The following PDE1C variants were observed in gnomAD, a reference collection of about 807,000 sequenced individuals.
PDE1C encodes the protein phosphodiesterase 1C.
In PDE1C, 62 loss-of-function variants were observed where a neutral mutation model predicts 93.1. The observed-to-expected ratio is 0.67, with a 90% CI of 0.54 to 0.82. The LOEUF (loss-of-function observed/expected upper bound fraction) is 0.82. Ranked by LOEUF, PDE1C falls within the 40% of genes least tolerant of loss-of-function variation. The pLI is 0.00. For missense variants in PDE1C, 742 were observed against 884.6 expected, an observed-to-expected ratio of 0.84 and a Z score of 2.04; for synonymous variants, 325 against 310.1, an observed-to-expected ratio of 1.05 and a Z score of -0.50.
chr7:31,715,091 A>G, the PDE1C span, among the ~76,000 whole-genome samples: 32 of 152,316 alleles, frequency 2.1e-4, no homozygotes, highest in South Asian at 6.2e-3. Context: ...GAACTAACCT[A>G]ATGACAAAAG....
At chr7:32,293,879 C>A (rs771344944) in intron 1 of PDE1C, among the ~76,000 whole-genome samples, 1 of 152,196 alleles carries the variant, frequency 6.6e-6, no homozygotes, top group Non-Finnish European at 1.5e-5. Flanking sequence ...ACCCAGACTG[C>A]CTGCTTGTCT....
intron 1 of PDE1C, among the ~76,000 whole-genome samples, chr7:32,421,695 T>C (rs969122484): frequency 2.0e-5 from 3 of 152,150 alleles, no homozygotes; most frequent in Non-Finnish European, 4.4e-5. Context: ...ATGTCATCAA[T>C]AATAAGTAAA....
At chr7:31,683,824 T>C in the PDE1C span, among the ~76,000 whole-genome samples, 1 of 152,326 alleles carries the variant, frequency 6.6e-6, no homozygotes, top group African/African-American at 2.4e-5. Context: ...TCAATCATTT[T>C]ATAAATAATT....
intron 2 of PDE1C, among the ~76,000 whole-genome samples, chr7:31,925,043 G>C (rs1238585255): frequency 1.1e-3 from 2 of 1,834 alleles, no homozygotes; most frequent in Middle Eastern, 0.5. Flanking sequence ...ACATTTCTGT[G>C]TGTGTGTGTG....
chr7:31,714,241 G>A, the PDE1C span, among the ~76,000 whole-genome samples: 1 of 152,076 alleles, frequency 6.6e-6, no homozygotes, highest in Non-Finnish European at 1.5e-5. Context: ...AAATCTCTAG[G>A]GCAGGGGTAA....
chr7:31,734,188 A>G, the PDE1C span, among the ~76,000 whole-genome samples: 1 of 152,152 alleles, frequency 6.6e-6, no homozygotes, highest in African/African-American at 2.4e-5. Flanking sequence ...AGTAACACAC[A>G]GCCCCTGCCC....
chr7:31,770,302 C>T (rs1426740279), intron 17 of PDE1C, among the ~76,000 whole-genome samples: 1 of 152,032 alleles, frequency 6.6e-6, no homozygotes, highest in Non-Finnish European at 1.5e-5. Flanking sequence ...ATACAAGATC[C>T]TCATCAGATA....
At chr7:32,412,931 T>G in intron 1 of PDE1C, among the ~76,000 whole-genome samples, 1 of 152,202 alleles carries the variant, frequency 6.6e-6, no homozygotes, top group African/African-American at 2.4e-5. Context: ...GAATAGTCAT[T>G]ATACCTAGGG....
At chr7:31,836,670 C>A (rs1376460976) in intron 11 of PDE1C, among the ~76,000 whole-genome samples, 1 of 152,130 alleles carries the variant, frequency 6.6e-6, no homozygotes, top group East Asian at 1.9e-4. Context: ...AACTCTGGAA[C>A]TTAGGATGGA....
At chr7:31,723,651 A>G in the PDE1C span, among the ~76,000 whole-genome samples, 2 of 152,230 alleles carry the variant, frequency 1.3e-5, no homozygotes, top group African/African-American at 4.8e-5. Context: ...GCCCTACTCC[A>G]GCCAGCCCTA....
intron 2 of PDE1C, among the ~76,000 whole-genome samples, chr7:32,011,127 A>T (rs565421842): frequency 6.6e-6 from 1 of 152,204 alleles, no homozygotes; most frequent in Non-Finnish European, 1.5e-5. Flanking sequence ...TTTTCAAATC[A>T]CAAATCTGAT....
intron 3 of PDE1C, among the ~76,000 whole-genome samples, chr7:32,158,422 A>G (rs1801708056): frequency 6.6e-6 from 1 of 152,332 alleles, no homozygotes; most frequent in Non-Finnish European, 1.5e-5. Flanking sequence ...TTCTGGCTGC[A>G]CTTAACAGTA....
intron 2 of PDE1C, among the ~76,000 whole-genome samples, chr7:31,974,601 T>C (rs1377472107): frequency 6.6e-6 from 1 of 151,626 alleles, no homozygotes; most frequent in Admixed American, 6.6e-5. Context: ...AACTGAGTGT[T>C]GAACACATAT....
Position 31,994,594 on chromosome 7 carries a change from G to C in PDE1C, c.128+56960C>G, listed in dbSNP as rs559414046. 2.2e-4 allele frequency among the ~76,000 whole-genome samples: 34 copies of C among 152,264 alleles called. 1 individual carries two copies. The South Asian group carries it at 6.4e-3, about 29-fold the overall frequency. ...CTATATATAGCAGGCTATGCAAAGTGAGTTCTTCGTAGCCTCACCATAATC... is the reference window on the plus strand; with the variant it reads ...CTATATATAGCAGGCTATGCAAAGTCAGTTCTTCGTAGCCTCACCATAATC... On this transcript the variant is annotated intron_variant, in intron 2 of 17. Coordinates refer to ENST00000396191, the MANE Select transcript of PDE1C (RefSeq NM_001191057.4).
In PDE1C at chr7:31,948,205, C is replaced by CT. The variant is rs199580639; in HGVS notation, c.129-67346dup. ...ACATTATAAAAATGCATTCCAATTT[C>CT]TCTAGAGATGGCCATTACAGTGACT... On this transcript the variant is annotated intron_variant, in intron 2 of 17. Coordinates refer to ENST00000396191, the MANE Select transcript of PDE1C (RefSeq NM_001191057.4). Among the ~76,000 whole-genome samples, 760 of 152,334 alleles carry CT rather than the reference C, an allele frequency of 5.0e-3. 6 individuals carry two copies. The highest frequency in any genetic ancestry group is 0.017 in the African/African-American group (719 of 41,584).
intron 3 of PDE1C, among the ~76,000 whole-genome samples, chr7:32,143,961 A>G (rs961839164): frequency 1.7e-4 from 26 of 152,144 alleles, no homozygotes; most frequent in Non-Finnish European, 4.4e-5. Flanking sequence ...GTGGGAAGGC[A>G]CTGGGGATAT....
chr7:31,640,858 A>G, the PDE1C span, among the ~76,000 whole-genome samples: 149 of 152,206 alleles, frequency 9.8e-4, 1 homozygote, highest in African/African-American at 3.4e-3. Flanking sequence ...AAGTTTCTCA[A>G]TCTCTCTAGG....
chr7:32,356,546 T>C (rs960421245), intron 1 of PDE1C, among the ~76,000 whole-genome samples: 1 of 152,344 alleles, frequency 6.6e-6, no homozygotes, highest in East Asian at 1.9e-4. Flanking sequence ...CATTATAGAA[T>C]TATATTCACA....
At chr7:31,886,558 C>T (rs75219084) in intron 2 of PDE1C, among the ~76,000 whole-genome samples, 2,905 of 152,170 alleles carry the variant, frequency 0.019, 76 homozygotes, top group African/African-American at 0.063. Context: ...CTAACCAGCA[C>T]CCACAATGCA....
Sources: allele counts gnomAD v4.1 joint callset (sites outside exome capture counted in the v4.1 genomes callset), GRCh38; gene constraint gnomAD v4.1.1; transcripts MANE v1.5; gene names NCBI Gene and HGNC (gene_info 2026-07-23, HGNC 2026-07-21).